The following PCDH15 variants were observed in gnomAD, a reference collection of about 807,000 sequenced individuals.
PCDH15 encodes protocadherin-15.
A neutral mutation model predicts 178.5 loss-of-function variants in PCDH15; 129 were observed. The ratio of observed to expected loss-of-function variants is 0.72; its 90% CI spans 0.63 to 0.84. The LOEUF is 0.84. Ranked by LOEUF, PCDH15 falls within the 40% of genes least tolerant of loss-of-function variation. The pLI, the probability that PCDH15 is intolerant of heterozygous loss-of-function variation, is 0.00. For synonymous variants in PCDH15, 800 were observed against 732.0 expected (o/e 1.09, Z -1.50); for missense variants, 2,230 against 2,099.9 (o/e 1.06, Z -1.21).
At chr10:55,211,093 C>A (rs971737416) in intron 1 of PCDH15, among the ~76,000 whole-genome samples, 1 of 152,040 alleles carries the variant, frequency 6.6e-6, no homozygotes, top group Non-Finnish European at 1.5e-5. Context: ...ATCAGCCCAG[C>A]TAGCCTTAGA....
At chr10:54,231,868 T>C (rs2054112331) in intron 9 of PCDH15, among the ~76,000 whole-genome samples, 1 of 152,190 alleles carries the variant, frequency 6.6e-6, no homozygotes. Flanking sequence ...AATGGGTGTA[T>C]TCACCCAAAG....
At chr10:53,871,982 C>T (rs993876790) in intron 26 of PCDH15, among the ~76,000 whole-genome samples, 2 of 152,106 alleles carry the variant, frequency 1.3e-5, no homozygotes, top group African/African-American at 4.8e-5. Flanking sequence ...CCCGTCTCTA[C>T]TAAAAATATA....
At chr10:55,600,712 C>T (rs573398235) in intron 2 of PCDH15, among the ~76,000 whole-genome samples, 59 of 152,064 alleles carry the variant, frequency 3.9e-4, no homozygotes, top group Middle Eastern at 3.4e-3. Flanking sequence ...TATGAGAAAC[C>T]GGGCCCACTT....
chr10:54,745,401 C>G (rs959313117), intron 1 of PCDH15, among the ~76,000 whole-genome samples: 2 of 151,712 alleles, frequency 1.3e-5, no homozygotes, highest in South Asian at 2.1e-4. Flanking sequence ...TGAAAGTGAT[C>G]TAATCAGAAG....
At chr10:53,992,404 A>T (rs942689869) in intron 21 of PCDH15, among the ~76,000 whole-genome samples, 1 of 152,214 alleles carries the variant, frequency 6.6e-6, no homozygotes, top group South Asian at 2.1e-4. Context: ...AACATGTTCC[A>T]ATTACTACTC....
chr10:54,536,808 G>A (rs2084582718), intron 2 of PCDH15, among the ~76,000 whole-genome samples: 2 of 152,010 alleles, frequency 1.3e-5, no homozygotes, highest in Admixed American at 6.6e-5. Flanking sequence ...GCATCCGTGT[G>A]GCTGCAAACA....
intron 2 of PCDH15, among the ~76,000 whole-genome samples, chr10:54,951,852 T>A (rs1838349255): frequency 6.6e-6 from 1 of 151,876 alleles, no homozygotes; most frequent in African/African-American, 2.4e-5. Flanking sequence ...TTTTCTTTGG[T>A]AAAGGGTTGG....
At chr10:53,810,753 G>T in intron 36 of PCDH15, 89 bp from the exon 37 acceptor site, 1 of 1,194,188 alleles carries the variant, frequency 8.4e-7, no homozygotes, top group Non-Finnish European at 1.2e-6. Context: ...TTTTTCTTCC[G>T]CCATTCAATC....
chr10:54,672,343 G>C (rs2094690582), intron 1 of PCDH15, among the ~76,000 whole-genome samples: 1 of 152,006 alleles, frequency 6.6e-6, no homozygotes, highest in Non-Finnish European at 1.5e-5. Context: ...CCAGTCCCTG[G>C]TGCCACAAAC....
intron 1 of PCDH15, among the ~76,000 whole-genome samples, chr10:55,288,893 A>AT (rs1842941658): frequency 6.6e-6 from 1 of 151,502 alleles, no homozygotes; most frequent in African/African-American, 2.4e-5. Flanking sequence ...ATATATCTAG[A>AT]ACTTGGATTG....
chr10:54,737,085 T>C (rs1944223881), intron 1 of PCDH15, among the ~76,000 whole-genome samples: 1 of 152,104 alleles, frequency 6.6e-6, no homozygotes, highest in South Asian at 2.1e-4. Flanking sequence ...CATGCCTCAG[T>C]GGCAGCACTG....
At chr10:54,935,323 C>A (rs1353019726) in intron 2 of PCDH15, among the ~76,000 whole-genome samples, 1 of 152,092 alleles carries the variant, frequency 6.6e-6, no homozygotes, top group Non-Finnish European at 1.5e-5. Context: ...AAGTTCAATG[C>A]AACTTTTGAG....
chr10:54,258,713 A>G (rs573455148), intron 8 of PCDH15, among the ~76,000 whole-genome samples: 205 of 152,326 alleles, frequency 1.3e-3, no homozygotes, highest in East Asian at 4.1e-3. Context: ...GAAATACAAT[A>G]ATAATATCCA....
intron 9 of PCDH15, among the ~76,000 whole-genome samples, chr10:54,230,419 A>G (rs916334493): frequency 6.6e-6 from 1 of 152,164 alleles, no homozygotes; most frequent in Admixed American, 6.5e-5. Context: ...ACTCTCTGAT[A>G]ACTGTGAAAT....
At chr10:55,246,454 G>T (rs1564928704) in intron 1 of PCDH15, among the ~76,000 whole-genome samples, 1 of 152,132 alleles carries the variant, frequency 6.6e-6, no homozygotes, top group African/African-American at 2.4e-5. Flanking sequence ...AAGTGGAAAG[G>T]CTCAAGTTGC....
intron 26 of PCDH15, among the ~76,000 whole-genome samples, chr10:53,882,315 G>A: frequency 6.6e-6 from 1 of 152,122 alleles, no homozygotes; most frequent in East Asian, 1.9e-4. Context: ...CCAATAAATA[G>A]CATGGGCTCC....
chr10:54,774,430 T>C (rs1227497770), intron 1 of PCDH15, among the ~76,000 whole-genome samples: 1 of 152,140 alleles, frequency 6.6e-6, no homozygotes, highest in African/African-American at 2.4e-5. Context: ...GTGAATGAGA[T>C]ACTATGTATC....
intron 2 of PCDH15, among the ~76,000 whole-genome samples, chr10:54,952,907 A>G (rs1448716472): frequency 2.6e-5 from 4 of 151,498 alleles, no homozygotes; most frequent in Non-Finnish European, 4.4e-5. Context: ...ATTCTTTCAC[A>G]TTTTCTACAT....
At chr10:55,175,663 C>CAAAAAAAAAAAAAAAAAAA (rs71014459) in intron 1 of PCDH15, among the ~76,000 whole-genome samples, 4 of 106,656 alleles carry the variant, frequency 3.8e-5, no homozygotes, top group Admixed American at 1.0e-4. Flanking sequence ...GACTCTGTCT[C>CAAAAAAAAAAAAAAAAAAA]AAAAAAAAAA....
Sources: allele counts gnomAD v4.1 joint callset (sites outside exome capture counted in the v4.1 genomes callset), GRCh38; gene constraint gnomAD v4.1.1; transcripts MANE v1.5; gene names NCBI Gene and HGNC (gene_info 2026-07-23, HGNC 2026-07-21).